The following PSMB2 variants were observed in gnomAD, a reference collection of about 807,000 sequenced individuals.
PSMB2 encodes the protein proteasome subunit beta type-2.
Under a neutral mutation model 25.7 loss-of-function variants are expected in PSMB2, and 13 were observed. The ratio of observed to expected loss-of-function variants is 0.51; its 90% confidence interval spans 0.33 to 0.80. The LOEUF (loss-of-function observed/expected upper bound fraction) is 0.80, where lower values mean the gene tolerates loss of function less well. Ranked by LOEUF, PSMB2 falls within the 30% of genes least tolerant of loss-of-function variation. The pLI, the probability that PSMB2 is intolerant of heterozygous loss-of-function variation, is 0.02. For missense variants in PSMB2, 202 were observed against 259.0 expected, an observed-to-expected ratio of 0.78 and a Z score of 1.51; for synonymous variants, 87 against 96.2, an observed-to-expected ratio of 0.90 and a Z score of 0.56.
intron 3 of PSMB2, among the ~76,000 whole-genome samples, chr1:35,618,426 C>T (rs950312287): frequency 7.3e-5 from 11 of 151,708 alleles, no homozygotes; most frequent in African/African-American, 2.4e-4. Flanking sequence ...TGAACACATA[C>T]AGTCTCACAC....
At position 35,601,626 on chromosome 1, in the gene PSMB2, GGTA is replaced by G. The variant is rs1650003987; in HGVS notation, c.*1638_*1640del. ...TTTAATATGAACGTTATGATCAGTA[GGTA>G]GTATCTTAGATGATACATTTAATCA... On this transcript the variant is annotated 3_prime_UTR_variant, in exon 6 of 6. Coordinates refer to ENST00000373237, the MANE Select transcript of PSMB2 (RefSeq NM_002794.5). The G allele has an allele frequency of 3.9e-5, 38 of 984,880 alleles. No individual in the cohort carries two copies. The highest frequency in any genetic ancestry group is 4.3e-5 in the Non-Finnish European group (36 of 829,592). The allele number at this position is 984,880 out of a possible 1,614,324, so 61.0% of individuals were successfully genotyped here.
Position 35,603,040 on chromosome 1 carries a change from C to T in PSMB2, c.*227G>A, listed in dbSNP as rs964376653. On this transcript the variant is annotated 3_prime_UTR_variant, in exon 6 of 6. Transcript: ENST00000373237. ...AAGGGTACTGAGCGTTAATGGAGGG[C>T]GGAGCAGGAAGAAAAGTCAGACCTG... 243 of 1,294,438 alleles carry T rather than the reference C, an allele frequency of 1.9e-4. No individual in the cohort carries two copies. The highest frequency in any genetic ancestry group is 2.3e-4 in the Non-Finnish European group (234 of 1,017,798). 80.2% of individuals were successfully genotyped at this position (1,294,438 alleles called of 1,614,324 possible).
chr1:35,623,021 T>C (rs1027045078), intron 3 of PSMB2, among the ~76,000 whole-genome samples: 1 of 152,194 alleles, frequency 6.6e-6, no homozygotes, highest in Non-Finnish European at 1.5e-5. Flanking sequence ...TTACTCCTCC[T>C]AGTAGAAAAA....
intron 3 of PSMB2, among the ~76,000 whole-genome samples, chr1:35,625,329 A>G (rs1044826272): frequency 6.6e-6 from 1 of 152,084 alleles, no homozygotes; most frequent in African/African-American, 2.4e-5. Flanking sequence ...CCAGCATCCT[A>G]CTCTAAGCCT....
chr1:35,611,285 TGA>T (rs1650324612), intron 3 of PSMB2, among the ~76,000 whole-genome samples: 1 of 152,146 alleles, frequency 6.6e-6, no homozygotes, highest in Non-Finnish European at 1.5e-5. Flanking sequence ...CTTTGAACAC[TGA>T]TTAACACGGC....
Position 35,600,640 on chromosome 1 carries a change from T to C in PSMB2, c.*2627A>G. The C allele has an allele frequency of 5.1e-6, 5 of 985,278 alleles. No homozygotes were observed. The highest frequency in any genetic ancestry group is 4.7e-5 in the South Asian group (1 of 21,290). The allele number at this position is 985,278 out of a possible 1,614,324, so 61.0% of individuals were successfully genotyped here. A position where few individuals can be genotyped will look rare whatever the true frequency, so the allele number is the denominator to read the frequency against. On this transcript the variant is annotated 3_prime_UTR_variant, in exon 6 of 6. Coordinates refer to ENST00000373237, the MANE Select transcript of PSMB2 (RefSeq NM_002794.5). The stretch of plus-strand genomic sequence containing the variant: ...AGATGGTAAGGCTCAGCTTTAGACA[T>C]ACTGAGTTCGATGTCCCTAAATCTG...
At chr1:35,622,548 G>T (rs1236241953) in intron 3 of PSMB2, among the ~76,000 whole-genome samples, 4 of 152,118 alleles carry the variant, frequency 2.6e-5, no homozygotes. Context: ...TCCCATTGTG[G>T]ATAGGAAAGA....
chr1:35,634,282 A>C (rs1405529011), intron 2 of PSMB2, among the ~76,000 whole-genome samples: 1 of 152,240 alleles, frequency 6.6e-6, no homozygotes, highest in South Asian at 2.1e-4. Context: ...TTCAGAGATA[A>C]GGAAAATAAA....
chr1:35,641,405 G>A lies in PSMB2; in HGVS notation c.28C>T (p.Pro10Ser). 6.2e-7 allele frequency: 1 copy of A among 1,614,120 alleles called. No homozygotes were observed. Among genetic ancestry groups the A allele is most frequent in the Non-Finnish European group, 8.5e-7 (1 of 1,180,022 alleles). The change falls in exon 1 of 6, where the codon CCC becomes TCC. Residue 10 changes from proline to serine, a missense_variant. Pro to Ser is a moderately conservative substitution (Grantham distance 74). Coordinates refer to ENST00000373237, the MANE Select transcript of PSMB2 (RefSeq NM_002794.5). ...TCGGAGGCGACAAGAACATAGTCGG[G>A]GCCTTGGATACCGATGAGGTACTCC... MEYLIGIQG[P>S]DYVLVASDRV... is the part of the protein sequence containing the mutation.
At chr1:35,622,080 A>C (rs1164372573) in intron 3 of PSMB2, among the ~76,000 whole-genome samples, 1 of 152,216 alleles carries the variant, frequency 6.6e-6, no homozygotes, top group Non-Finnish European at 1.5e-5. Context: ...TCTCAGGTCA[A>C]GAAATAGAAA....
chr1:35,600,229 G>C lies in PSMB2; in HGVS notation c.*3038C>G. The C allele has an allele frequency of 2.0e-6, 2 of 985,390 alleles. No homozygotes were observed. Among genetic ancestry groups the C allele is most frequent in the Non-Finnish European group, 2.4e-6 (2 of 829,880 alleles). The allele number at this position is 985,390 out of a possible 1,614,324, so 61.0% of individuals were successfully genotyped here. A position where few individuals can be genotyped will look rare whatever the true frequency, so the allele number is the denominator to read the frequency against. ...ACTTGGTGGCCATGTAGAGACAGGA[G>C]ATAAAGAATGGCATAAAAATGATGC... is the stretch of plus-strand genomic sequence containing the variant. On this transcript the variant is annotated 3_prime_UTR_variant, in exon 6 of 6. Coordinates refer to ENST00000373237, the MANE Select transcript of PSMB2 (RefSeq NM_002794.5).
intron 3 of PSMB2, among the ~76,000 whole-genome samples, chr1:35,620,136 G>A (rs1650637003): frequency 6.6e-6 from 1 of 152,110 alleles, no homozygotes; most frequent in South Asian, 2.1e-4. Flanking sequence ...TATGAATTCT[G>A]AACATCAAAG....
At chr1:35,609,111 A>G in intron 4 of PSMB2, 135 bp downstream of exon 4, 1 of 835,112 alleles carries the variant, frequency 1.2e-6, no homozygotes, top group Non-Finnish European at 1.7e-6. Flanking sequence ...CAGCTTCCAG[A>G]GGGGAACCTG....
At chr1:35,641,222 G>A (rs757848848) in intron 1 of PSMB2, 120 bp downstream of exon 1, 167 of 1,249,566 alleles carry the variant, frequency 1.3e-4, no homozygotes, top group Non-Finnish European at 1.8e-4. Flanking sequence ...AATAAGTACG[G>A]GCAGGGCAGG....
chr1:35,614,360 C>A (rs1181147445), intron 3 of PSMB2, among the ~76,000 whole-genome samples: 1 of 152,226 alleles, frequency 6.6e-6, no homozygotes, highest in African/African-American at 2.4e-5. Flanking sequence ...AATGAGAGCA[C>A]TGCCAGTGAT....
intron 1 of PSMB2, 69 bp downstream of exon 1, chr1:35,641,273 C>T (rs1391725198): frequency 1.3e-6 from 2 of 1,586,524 alleles, no homozygotes; most frequent in Non-Finnish European, 8.6e-7. Flanking sequence ...ACTTATTCAA[C>T]CCCCGACAAA....
intron 1 of PSMB2, among the ~76,000 whole-genome samples, chr1:35,640,103 T>TA (rs11269632): frequency 1.5e-4 from 15 of 102,354 alleles, no homozygotes; most frequent in Admixed American, 3.9e-4. Flanking sequence ...TACTATACTA[T>TA]CTATACTAAA....
intron 2 of PSMB2, among the ~76,000 whole-genome samples, chr1:35,634,080 TAA>T (rs1651178084): frequency 6.6e-6 from 1 of 152,212 alleles, no homozygotes; most frequent in Non-Finnish European, 1.5e-5. Context: ...TCCCAGTGGA[TAA>T]GAGTTCATTA....
intron 2 of PSMB2, among the ~76,000 whole-genome samples, chr1:35,633,278 C>A (rs1046443490): frequency 2.0e-5 from 3 of 151,306 alleles, no homozygotes; most frequent in Admixed American, 1.3e-4. Context: ...CTATTCAATT[C>A]TTTACTTAAC....
Sources: allele counts gnomAD v4.1 joint callset (sites outside exome capture counted in the v4.1 genomes callset), GRCh38; gene constraint gnomAD v4.1.1; transcripts MANE v1.5; gene names NCBI Gene and HGNC (gene_info 2026-07-23, HGNC 2026-07-21).